The following ASTN2 variants were observed in gnomAD, a reference collection of about 807,000 sequenced individuals.
ASTN2 encodes the protein astrotactin 2.
In ASTN2, 54 loss-of-function variants were observed where a neutral mutation model predicts 139.8. The observed-to-expected ratio is 0.39, with a 90% CI of 0.31 to 0.48. The LOEUF (loss-of-function observed/expected upper bound fraction) is 0.48. Among genes scored for constraint, ASTN2 ranks in the 20% least tolerant of loss-of-function variants. The pLI, the probability that ASTN2 is intolerant of heterozygous loss-of-function variation, is 0.95. For synonymous variants in ASTN2, 756 were observed against 719.5 expected, an observed-to-expected ratio of 1.05 and a Z score of -0.81; for missense variants, 1,565 against 1,725.1, an observed-to-expected ratio of 0.91 and a Z score of 1.64.
At chr9:117,160,522 T>C (rs1439282628) in intron 3 of ASTN2, among the ~76,000 whole-genome samples, 5 of 152,064 alleles carry the variant, frequency 3.3e-5, no homozygotes, top group Non-Finnish European at 7.4e-5. Flanking sequence ...GGAATGCTTC[T>C]TTGTATGCTC....
intron 6 of ASTN2, among the ~76,000 whole-genome samples, chr9:117,033,912 C>A (rs577781861): frequency 6.6e-6 from 1 of 152,272 alleles, no homozygotes; most frequent in East Asian, 1.9e-4. Flanking sequence ...CAATAGATAA[C>A]AGACATGCTC....
intron 5 of ASTN2, among the ~76,000 whole-genome samples, chr9:117,044,190 A>G (rs146124974): frequency 6.6e-6 from 1 of 152,236 alleles, no homozygotes; most frequent in Non-Finnish European, 1.5e-5. Context: ...TGTCCAACAC[A>G]TTCTCAGAAC....
intron 1 of ASTN2, among the ~76,000 whole-genome samples, chr9:117,321,248 A>C (rs1427497652): frequency 6.6e-6 from 1 of 152,204 alleles, no homozygotes; most frequent in Non-Finnish European, 1.5e-5. Flanking sequence ...GTCTGCAGGA[A>C]ATTATGCAGT....
At chr9:117,060,415 A>AAAGG (rs796987048) in intron 5 of ASTN2, among the ~76,000 whole-genome samples, 9,349 of 29,518 alleles carry the variant, frequency 0.32, 2,208 homozygotes, top group East Asian at 0.43. Flanking sequence ...AGAAAGAAGG[A>AAAGG]AAGGAAGGAA....
At chr9:116,978,491 T>TCTCA (rs1246385801) in intron 7 of ASTN2, among the ~76,000 whole-genome samples, 1 of 116,172 alleles carries the variant, frequency 8.6e-6, no homozygotes, top group Admixed American at 8.4e-5. Flanking sequence ...TCTCTCTCTC[T>TCTCA]CACGCACACA....
intron 13 of ASTN2, among the ~76,000 whole-genome samples, chr9:116,750,251 GT>G (rs1331195189): frequency 2.0e-5 from 3 of 152,298 alleles, no homozygotes. Context: ...CAATTCATTT[GT>G]TACTTCATTC....
chr9:117,140,929 G>C (rs74400091), intron 4 of ASTN2, among the ~76,000 whole-genome samples: 18 of 152,158 alleles, frequency 1.2e-4, no homozygotes, highest in Admixed American at 1.0e-3. Context: ...CTGCTAAAAA[G>C]TAGGCGCAGA....
intron 5 of ASTN2, among the ~76,000 whole-genome samples, chr9:117,095,255 TA>T (rs1564423351): frequency 1.3e-5 from 2 of 152,208 alleles, no homozygotes; most frequent in Non-Finnish European, 2.9e-5. Flanking sequence ...TTCCCATCCT[TA>T]TAGACAATCC....
At chr9:116,565,368 T>C (rs1853137505) in intron 19 of ASTN2, among the ~76,000 whole-genome samples, 1 of 27,260 alleles carries the variant, frequency 3.7e-5, no homozygotes, top group Non-Finnish European at 6.1e-5. Flanking sequence ...TCTCTCTCTC[T>C]CTCTCTCTCT....
intron 4 of ASTN2, among the ~76,000 whole-genome samples, chr9:117,103,790 C>T (rs1587967031): frequency 6.6e-6 from 1 of 152,234 alleles, no homozygotes. Context: ...CCATCTGACC[C>T]CCAACCATCT....
intron 12 of ASTN2, among the ~76,000 whole-genome samples, chr9:116,812,107 A>G (rs1831182692): frequency 6.6e-6 from 1 of 152,152 alleles, no homozygotes; most frequent in Non-Finnish European, 1.5e-5. Flanking sequence ...ACGTATTTGC[A>G]AAGCTCAGTC....
chr9:116,825,134 CT>C (rs1427858353), intron 11 of ASTN2, among the ~76,000 whole-genome samples: 2 of 152,168 alleles, frequency 1.3e-5, no homozygotes, highest in African/African-American at 4.8e-5. Flanking sequence ...TGTTTTCTTT[CT>C]ATAAATAGAG....
chr9:116,796,933 T>C (rs539121207), intron 13 of ASTN2, among the ~76,000 whole-genome samples: 32 of 152,160 alleles, frequency 2.1e-4, no homozygotes, highest in Admixed American at 5.2e-4. Flanking sequence ...CACCTCAGCC[T>C]CTCAAGTAGC....
At chr9:116,733,546 T>A in intron 13 of ASTN2, 23 bp from the exon 14 acceptor site, 1 of 1,613,840 alleles carries the variant, frequency 6.2e-7, no homozygotes, top group Non-Finnish European at 8.5e-7. Context: ...GCAGAGAGAC[T>A]GCCAAATCGA....
intron 12 of ASTN2, among the ~76,000 whole-genome samples, chr9:116,819,273 G>T (rs1322484256): frequency 3.3e-5 from 5 of 152,124 alleles, no homozygotes; most frequent in Admixed American, 3.3e-4. Context: ...GGCTGATTCT[G>T]GATGCAGCCT....
At chr9:117,403,747 T>C (rs1830903903) in intron 1 of ASTN2, among the ~76,000 whole-genome samples, 1 of 152,158 alleles carries the variant, frequency 6.6e-6, no homozygotes, top group Non-Finnish European at 1.5e-5. Flanking sequence ...GAGAGGATTC[T>C]GCCCCGCCTG....
At chr9:116,696,950 TAA>T (rs11400163) in intron 16 of ASTN2, among the ~76,000 whole-genome samples, 110 of 137,078 alleles carry the variant, frequency 8.0e-4, no homozygotes, top group Middle Eastern at 3.7e-3. Context: ...GTGACATGAT[TAA>T]AAAAAAAAAA....
intron 1 of ASTN2, among the ~76,000 whole-genome samples, chr9:117,305,131 G>A (rs571124537): frequency 1.3e-5 from 2 of 152,200 alleles, no homozygotes; most frequent in South Asian, 4.2e-4. Context: ...TTCCCATATT[G>A]CCAGGCTAGC....
intron 13 of ASTN2, among the ~76,000 whole-genome samples, chr9:116,743,314 G>T (rs1829142961): frequency 6.6e-6 from 1 of 152,158 alleles, no homozygotes; most frequent in Admixed American, 6.5e-5. Flanking sequence ...ACTTTGGGAG[G>T]CCGAGGCAGG....
Sources: allele counts gnomAD v4.1 joint callset (sites outside exome capture counted in the v4.1 genomes callset), GRCh38; gene constraint gnomAD v4.1.1; transcripts MANE v1.5; gene names NCBI Gene and HGNC (gene_info 2026-07-23, HGNC 2026-07-21).